The following CDH20 variants were observed in gnomAD, a reference collection of about 807,000 sequenced individuals.
The protein encoded by CDH20 is cadherin 20, also known as cadherin-20.
CDH20 carries 29 observed loss-of-function variants against 74.2 expected under a neutral mutation model. That is an observed-to-expected ratio of 0.39 (90% CI 0.29 to 0.53). CDH20 has a LOEUF of 0.53. Ranked by LOEUF, CDH20 falls within the 20% of genes least tolerant of loss-of-function variation. The pLI, the probability that CDH20 is intolerant of heterozygous loss-of-function variation, is 0.69. For missense variants in CDH20, 988 were observed against 1,048.3 expected, an observed-to-expected ratio of 0.94 and a Z score of 0.79; for synonymous variants, 469 against 405.4, an observed-to-expected ratio of 1.16 and a Z score of -1.88.
intron 6 of CDH20, among the ~76,000 whole-genome samples, chr18:61,526,024 T>C (rs1267867520): frequency 2.1e-5 from 3 of 140,864 alleles, no homozygotes; most frequent in Non-Finnish European, 3.0e-5. Flanking sequence ...TTGTCTTGGC[T>C]GGTCTTGAAA....
intron 1 of CDH20, among the ~76,000 whole-genome samples, chr18:61,438,371 A>C (rs1908906530): frequency 9.7e-5 from 1 of 10,272 alleles, no homozygotes; most frequent in African/African-American, 1.7e-4. Context: ...GTTCCTGGAG[A>C]GGGTATAACT....
chr18:61,415,864 T>C (rs1374569948), intron 1 of CDH20, among the ~76,000 whole-genome samples: 1 of 152,184 alleles, frequency 6.6e-6, no homozygotes. Flanking sequence ...TATAATACTT[T>C]GGGCAATGTA....
intron 1 of CDH20, among the ~76,000 whole-genome samples, chr18:61,484,736 TCCACAC>T (rs1241125451): frequency 7.4e-5 from 9 of 122,112 alleles, no homozygotes; most frequent in African/African-American, 3.0e-4. Flanking sequence ...TTTGCTCTAC[TCCACAC>T]ACACACACAC....
chr18:61,443,131 C>T (rs1909086429), intron 1 of CDH20, among the ~76,000 whole-genome samples: 1 of 152,100 alleles, frequency 6.6e-6, no homozygotes, highest in South Asian at 2.1e-4. Flanking sequence ...TAATCACACT[C>T]CTACTAGGTT....
chr18:61,494,335 G>C (rs1911059301), intron 2 of CDH20, among the ~76,000 whole-genome samples: 1 of 152,142 alleles, frequency 6.6e-6, no homozygotes, highest in South Asian at 2.1e-4. Context: ...ATGCTGGGTA[G>C]TTCTTAGCTG....
At chr18:61,406,539 A>C (rs1298905775) in intron 1 of CDH20, among the ~76,000 whole-genome samples, 1 of 152,254 alleles carries the variant, frequency 6.6e-6, no homozygotes, top group Non-Finnish European at 1.5e-5. Context: ...CTATAAATAA[A>C]TCAACAAATT....
intron 7 of CDH20, among the ~76,000 whole-genome samples, chr18:61,534,044 G>A (rs1912739796): frequency 6.6e-6 from 1 of 151,916 alleles, no homozygotes; most frequent in Admixed American, 6.6e-5. Context: ...TTCAAAATTA[G>A]GACAAATGAC....
At chr18:61,492,715 A>C (rs1484816047) in intron 2 of CDH20, among the ~76,000 whole-genome samples, 2 of 152,148 alleles carry the variant, frequency 1.3e-5, no homozygotes, top group Admixed American at 1.3e-4. Flanking sequence ...CCACTCTCTA[A>C]GGCAAGCCCC....
chr18:61,483,428 G>A (rs1910658117), intron 1 of CDH20, among the ~76,000 whole-genome samples: 1 of 152,102 alleles, frequency 6.6e-6, no homozygotes, highest in Non-Finnish European at 1.5e-5. Flanking sequence ...GTAAACTGAG[G>A]AAACAAAACA....
intron 1 of CDH20, among the ~76,000 whole-genome samples, chr18:61,468,713 G>A (rs1910054615): frequency 6.6e-6 from 1 of 152,182 alleles, no homozygotes; most frequent in African/African-American, 2.4e-5. Flanking sequence ...TTCCATTGCA[G>A]CAAGCTGGCT....
intron 1 of CDH20, among the ~76,000 whole-genome samples, chr18:61,377,838 C>T (rs1192701672): frequency 6.6e-6 from 1 of 152,108 alleles, no homozygotes; most frequent in South Asian, 2.1e-4. Context: ...CTCCACAGAC[C>T]TGCACATATT....
chr18:61,352,030 G>C (rs1480215126), intron 1 of CDH20, among the ~76,000 whole-genome samples: 1 of 152,134 alleles, frequency 6.6e-6, no homozygotes, highest in Admixed American at 6.5e-5. Flanking sequence ...TTTGATCTTT[G>C]ACCTTCATCA....
chr18:61,499,125 C>A, intron 2 of CDH20, 61 bp from the exon 3 acceptor site: 1 of 1,313,336 alleles, frequency 7.6e-7, no homozygotes, highest in South Asian at 1.6e-5. Context: ...AACTGAAAAT[C>A]AATGTGTTTT....
At chr18:61,336,135 C>T (rs777494433) in intron 1 of CDH20, among the ~76,000 whole-genome samples, 1 of 152,126 alleles carries the variant, frequency 6.6e-6, no homozygotes, top group Admixed American at 6.5e-5. Flanking sequence ...GGAAGGAAGA[C>T]GCCACTATCC....
At position 61,490,635 on chromosome 18, in the gene CDH20, C is replaced by A; in HGVS notation, c.82C>A (p.Leu28Ile). ...MSLYFWGLMD[L>I]TTTVLSDTPT... ...CTTGTACTTCTGGGGGCTGATGGAC[C>A]TTACGACCACCGTTCTCTCGGACAC... is the stretch of plus-strand genomic sequence containing the variant. Residue 28 changes from leucine to isoleucine, a missense_variant, in exon 2 of 12, where the codon CTT becomes ATT. Coordinates refer to ENST00000262717, the MANE Select transcript of CDH20 (RefSeq NM_031891.4). 1 of 1,613,988 alleles carries A rather than the reference C, an allele frequency of 6.2e-7. No individual in the cohort carries two copies. Among genetic ancestry groups the A allele is most frequent in the Non-Finnish European group, 8.5e-7 (1 of 1,179,992 alleles).
At chr18:61,470,084 C>T (rs147236336) in intron 1 of CDH20, among the ~76,000 whole-genome samples, 107 of 152,340 alleles carry the variant, frequency 7.0e-4, no homozygotes, top group African/African-American at 2.4e-3. Flanking sequence ...ACCAACCCAT[C>T]ACATCTTTTG....
intron 1 of CDH20, among the ~76,000 whole-genome samples, chr18:61,403,807 C>T (rs1049381060): frequency 6.6e-6 from 1 of 152,110 alleles, no homozygotes; most frequent in African/African-American, 2.4e-5. Flanking sequence ...GATACAAGCG[C>T]ACGTATATTC....
intron 5 of CDH20, among the ~76,000 whole-genome samples, chr18:61,504,748 G>A (rs754501405): frequency 6.6e-6 from 1 of 152,112 alleles, no homozygotes; most frequent in Non-Finnish European, 1.5e-5. Flanking sequence ...AGACTAGCCA[G>A]ACTGTCAGAT....
chr18:61,424,215 T>C (rs1912989523), intron 1 of CDH20, among the ~76,000 whole-genome samples: 1 of 152,242 alleles, frequency 6.6e-6, no homozygotes, highest in South Asian at 2.1e-4. Context: ...CTTTTTTGTG[T>C]TGGAAACATT....
Sources: gnomAD v4.1 joint callset for allele counts (sites outside exome capture counted in the v4.1 genomes callset) on GRCh38, gnomAD v4.1.1 for gene constraint, MANE v1.5 for transcripts, NCBI Gene and HGNC (gene_info 2026-07-23, HGNC 2026-07-21) for gene names.